CLIC5: variants seen among roughly 807,000 people sequenced by gnomAD.
CLIC5 encodes the protein chloride intracellular channel protein 5.
Under a neutral mutation model 24.7 loss-of-function variants are expected in CLIC5, and 20 were observed. That is an observed-to-expected ratio of 0.81 (90% CI 0.57 to 1.18). The LOEUF is 1.18. CLIC5 is among the 50% of genes most tolerant of loss of function. The pLI, the probability that CLIC5 is intolerant of heterozygous loss-of-function variation, is 0.00. For synonymous variants in CLIC5, 159 were observed against 135.6 expected (o/e 1.17, Z -1.20); for missense variants, 341 against 326.1 (o/e 1.05, Z -0.35).
chr6:46,080,220 G>A, exon 1 of CLIC5: 1 of 1,551,128 alleles, frequency 6.4e-7, no homozygotes, highest in South Asian at 1.2e-5. Flanking sequence ...GTCATAGATG[G>A]TGCTGTAGTC....
chr6:46,117,495 C>T, the CLIC5 span, among the ~76,000 whole-genome samples: 1 of 152,184 alleles, frequency 6.6e-6, no homozygotes, highest in Non-Finnish European at 1.5e-5. Context: ...AAATGTATAG[C>T]TCTTTTAATA....
At chr6:46,118,572 A>G in the CLIC5 span, among the ~76,000 whole-genome samples, 1 of 152,202 alleles carries the variant, frequency 6.6e-6, no homozygotes, top group African/African-American at 2.4e-5. Flanking sequence ...TTTTTCTACA[A>G]TACAAAAAGT....
At chr6:45,978,734 A>G (rs1163266201) in intron 1 of CLIC5, among the ~76,000 whole-genome samples, 1 of 152,162 alleles carries the variant, frequency 6.6e-6, no homozygotes, top group Non-Finnish European at 1.5e-5. Context: ...AGGCGAGTGG[A>G]TCACCTGAAG....
chr6:45,909,366 T>C (rs997351865), intron 5 of CLIC5, among the ~76,000 whole-genome samples: 2 of 152,218 alleles, frequency 1.3e-5, no homozygotes, highest in African/African-American at 4.8e-5. Flanking sequence ...GTGCTTGCTT[T>C]ATAGGGTCTG....
the CLIC5 span, among the ~76,000 whole-genome samples, chr6:46,085,622 C>T: frequency 6.6e-6 from 1 of 152,180 alleles, no homozygotes; most frequent in Admixed American, 6.5e-5. Flanking sequence ...GCTGTCTGAT[C>T]GTTCCTCTGG....
intron 1 of CLIC5, among the ~76,000 whole-genome samples, chr6:46,053,467 G>C (rs1231988095): frequency 6.6e-6 from 1 of 152,206 alleles, no homozygotes. Context: ...AAAGTATGTA[G>C]GTGGAAGAGT....
chr6:45,916,928 A>C (rs1400739407), intron 4 of CLIC5, among the ~76,000 whole-genome samples: 2 of 152,164 alleles, frequency 1.3e-5, no homozygotes, highest in African/African-American at 4.8e-5. Context: ...CAGCCGTGGT[A>C]GAGGAAGAGG....
intron 1 of CLIC5, among the ~76,000 whole-genome samples, chr6:46,051,681 CAAT>C (rs1768105793): frequency 6.6e-6 from 1 of 152,132 alleles, no homozygotes; most frequent in South Asian, 2.1e-4. Context: ...CTGAGTTTCA[CAAT>C]AATAATAATT....
chr6:45,977,263 T>C (rs980262769), intron 1 of CLIC5, among the ~76,000 whole-genome samples: 5 of 152,304 alleles, frequency 3.3e-5, no homozygotes, highest in East Asian at 1.9e-4. Flanking sequence ...TAGTGAAACA[T>C]AAACCTCTTT....
Position 45,992,817 on chromosome 6 carries a change from AT to A in CLIC5, c.63+22662del, listed in dbSNP as rs576437960. Among the ~76,000 whole-genome samples the A allele has an allele frequency of 2.3e-3, 345 of 152,344 alleles. 5 individuals carry two copies. Among genetic ancestry groups the A allele is most frequent in the African/African-American group, 7.2e-3 (300 of 41,586 alleles). On this transcript the variant is annotated intron_variant, in intron 1 of 5. Coordinates refer to ENST00000339561, the MANE Select transcript of CLIC5 (RefSeq NM_016929.5). ...CTGTATGTATATATTTATGCCTTAT[AT>A]AAAAAGAGTGTAATTTTGTACCCCA... is the stretch of plus-strand genomic sequence containing the variant.
chr6:45,923,628 G>T (rs1278177531), intron 4 of CLIC5, among the ~76,000 whole-genome samples: 1 of 152,212 alleles, frequency 6.6e-6, no homozygotes, highest in Non-Finnish European at 1.5e-5. Context: ...TCCCCACATG[G>T]ATTGCTGGGT....
At chr6:46,084,711 T>G (rs1237386140), upstream of CLIC5, among the ~76,000 whole-genome samples, 2 of 152,216 alleles carry the variant, frequency 1.3e-5, no homozygotes, top group African/African-American at 2.4e-5. Flanking sequence ...TTAACATTTT[T>G]TCCTTCATTT....
chr6:45,938,871 C>T (rs533098571), intron 4 of CLIC5, among the ~76,000 whole-genome samples: 29 of 152,212 alleles, frequency 1.9e-4, no homozygotes, highest in Non-Finnish European at 3.2e-4. Flanking sequence ...AACGAGGGTT[C>T]GAGAGCCAGC....
intron 1 of CLIC5, among the ~76,000 whole-genome samples, chr6:46,002,618 T>A (rs1766403600): frequency 6.6e-6 from 1 of 152,224 alleles, no homozygotes; most frequent in Non-Finnish European, 1.5e-5. Flanking sequence ...CTGGGGCTAC[T>A]GCATCCATAG....
At chr6:46,118,553 A>C in the CLIC5 span, among the ~76,000 whole-genome samples, 2 of 152,200 alleles carry the variant, frequency 1.3e-5, no homozygotes, top group Admixed American at 6.5e-5. Flanking sequence ...ATAATGTTTT[A>C]GTCATCCCTT....
the CLIC5 span, among the ~76,000 whole-genome samples, chr6:46,116,075 A>G: frequency 1.3e-5 from 2 of 152,226 alleles, no homozygotes; most frequent in Non-Finnish European, 2.9e-5. Context: ...TATAGCCATT[A>G]CCAGAATGAT....
chr6:46,004,961 G>A (rs1198220817), intron 1 of CLIC5, among the ~76,000 whole-genome samples: 1 of 152,212 alleles, frequency 6.6e-6, no homozygotes, highest in African/African-American at 2.4e-5. Context: ...ATGCCACAGA[G>A]AGCAAATGTG....
chr6:46,060,030 T>C lies in CLIC5; in HGVS notation c.540+19673A>G, dbSNP rs75324679. Among the ~76,000 whole-genome samples, 9 of 152,346 alleles carry C rather than the reference T, an allele frequency of 5.9e-5. No homozygotes were observed. In the East Asian group the frequency reaches 1.5e-3, roughly 26 times the overall value. On this transcript the variant is annotated intron_variant, in intron 1 of 5. Transcript: ENST00000185206. Reference sequence around the variant, plus strand: ...AGGGGTCTAGTTTCATTCTTCTGCATATGAATATGTAGTTTTCCCAGCAAA... The same window carrying C: ...AGGGGTCTAGTTTCATTCTTCTGCACATGAATATGTAGTTTTCCCAGCAAA...
the CLIC5 span, among the ~76,000 whole-genome samples, chr6:46,103,675 ACT>A: frequency 6.6e-6 from 1 of 151,884 alleles, no homozygotes; most frequent in Admixed American, 6.6e-5. Context: ...TGGGGTAGTC[ACT>A]CTGTGGTTTT....
Sources: allele counts gnomAD v4.1 joint callset (sites outside exome capture counted in the v4.1 genomes callset), GRCh38; gene constraint gnomAD v4.1.1; transcripts MANE v1.5; gene names NCBI Gene and HGNC (gene_info 2026-07-23, HGNC 2026-07-21).